The following ASH1L variants were observed in gnomAD, a reference collection of about 807,000 sequenced individuals.
ASH1L encodes the protein histone-lysine N-methyltransferase ASH1L.
ASH1L carries 23 observed loss-of-function variants against 269.0 expected under a neutral mutation model. The observed-to-expected ratio is 0.09, with a 90% CI of 0.06 to 0.12. The LOEUF is 0.12. Among genes scored for constraint, ASH1L ranks in the 10% least tolerant of loss-of-function variants. The pLI is 1.00. For missense variants in ASH1L, 2,912 were observed against 3,567.8 expected, an observed-to-expected ratio of 0.82 and a Z score of 4.68; for synonymous variants, 1,187 against 1,253.5, an observed-to-expected ratio of 0.95 and a Z score of 1.12.
intron 12 of ASH1L, among the ~76,000 whole-genome samples, chr1:155,367,914 A>AT (rs1490651528): frequency 2.0e-5 from 3 of 151,998 alleles, no homozygotes; most frequent in Non-Finnish European, 2.9e-5. Context: ...ACTGGCCTAT[A>AT]TTTTTTCCTG....
chr1:155,505,365 T>C (rs1667743118), intron 2 of ASH1L, among the ~76,000 whole-genome samples: 1 of 152,206 alleles, frequency 6.6e-6, no homozygotes, highest in African/African-American at 2.4e-5. Flanking sequence ...GATTCACATA[T>C]ACACTCCGTA....
At chr1:155,462,733 G>C (rs1664397797) in intron 3 of ASH1L, among the ~76,000 whole-genome samples, 1 of 152,168 alleles carries the variant, frequency 6.6e-6, no homozygotes, top group African/African-American at 2.4e-5. Context: ...TTTCATTCAG[G>C]AAGGTTCTCA....
chr1:155,483,538 C>T (rs943357213), intron 2 of ASH1L, among the ~76,000 whole-genome samples: 6 of 151,886 alleles, frequency 4.0e-5, no homozygotes, highest in Non-Finnish European at 8.8e-5. Context: ...AATTCAAGCA[C>T]GTATGAAAAT....
intron 5 of ASH1L, among the ~76,000 whole-genome samples, chr1:155,437,173 C>T (rs1662169668): frequency 6.6e-6 from 1 of 152,072 alleles, no homozygotes; most frequent in Non-Finnish European, 1.5e-5. Flanking sequence ...AAATGCAATC[C>T]ACAGAATAGG....
chr1:155,551,456 C>T (rs1237225827), intron 1 of ASH1L, among the ~76,000 whole-genome samples: 6 of 148,560 alleles, frequency 4.0e-5, no homozygotes, highest in Admixed American at 2.7e-4. Flanking sequence ...GTCAGGAGAT[C>T]GAGACCATCC....
At chr1:155,345,948 C>T (rs1653267646) in intron 21 of ASH1L, 1 of 343,120 alleles carries the variant, frequency 2.9e-6, no homozygotes, top group Non-Finnish European at 5.6e-6. Flanking sequence ...TCTCTTGCCT[C>T]AGCCACCCAA....
chr1:155,542,920 C>T (rs555203530), intron 1 of ASH1L, among the ~76,000 whole-genome samples: 21 of 151,866 alleles, frequency 1.4e-4, no homozygotes, highest in Non-Finnish European at 2.8e-4. Context: ...ATCCACCTGC[C>T]TAGGCCTCCC....
In ASH1L at chr1:155,521,580, A is replaced by G; in HGVS notation, c.-61T>C. The G allele has an allele frequency of 1.4e-6, 2 of 1,478,998 alleles. No individual in the cohort carries two copies. Among genetic ancestry groups the G allele is most frequent in the African/African-American group, 1.4e-5 (1 of 70,942 alleles). 91.6% of individuals were successfully genotyped at this position (1,478,998 alleles called of 1,614,324 possible). On this transcript the variant is annotated 5_prime_UTR_variant, in exon 2 of 28. Transcript: ENST00000392403. ...AATTTTACAGAACTGTGTTCCATAA[A>G]AAACAAGGATCTCCAAAACTCGAAA...
intron 5 of ASH1L, among the ~76,000 whole-genome samples, chr1:155,423,421 T>C (rs1660877545): frequency 6.6e-6 from 1 of 151,632 alleles, no homozygotes. Context: ...TCTACTAAAA[T>C]GCAAAAAATT....
At position 155,370,890 on chromosome 1, in the gene ASH1L, T is replaced by C. The variant is rs565032885; in HGVS notation, c.6426A>G (p.Leu2142=). ...RIQRHEWVQC[L]ERFRAEEKGW... is the part of the protein sequence containing the mutation. ...CTTTTTCCTCAGCTCGAAATCGTTCTAGACATTGCACCCATTCATGCCTCT... is the reference window on the plus strand; with the variant it reads ...CTTTTTCCTCAGCTCGAAATCGTTCCAGACATTGCACCCATTCATGCCTCT... Residue 2142 remains leucine, a synonymous_variant, in exon 11 of 28, where the codon CTA becomes CTG. Coordinates refer to ENST00000392403, the MANE Select transcript of ASH1L (RefSeq NM_018489.3). The C allele has an allele frequency of 1.1e-5, 17 of 1,614,188 alleles. No homozygotes were observed. The highest frequency in any genetic ancestry group is 1.6e-4 in the Middle Eastern group (1 of 6,062).
intron 2 of ASH1L, among the ~76,000 whole-genome samples, chr1:155,490,826 A>C (rs555924552): frequency 6.6e-6 from 1 of 151,986 alleles, no homozygotes; most frequent in East Asian, 1.9e-4. Context: ...AGCTGGGCAC[A>C]GTGGTGCATG....
intron 6 of ASH1L, among the ~76,000 whole-genome samples, chr1:155,411,586 A>AATAAATACATATAT (rs1297131961): frequency 1.8e-5 from 1 of 55,192 alleles, no homozygotes; most frequent in African/African-American, 7.9e-5. Context: ...TAAATAAATA[A>AATAAATACATATAT]ATATATATAT....
intron 2 of ASH1L, among the ~76,000 whole-genome samples, chr1:155,487,888 C>T (rs968642338): frequency 6.0e-5 from 9 of 150,180 alleles, no homozygotes; most frequent in African/African-American, 2.2e-4. Context: ...CCTGGTTTTT[C>T]ACTTTTTTTT....
At chr1:155,541,276 TAA>T (rs960813368) in intron 1 of ASH1L, among the ~76,000 whole-genome samples, 2 of 152,092 alleles carry the variant, frequency 1.3e-5, no homozygotes, top group African/African-American at 4.8e-5. Context: ...TGTATATAGA[TAA>T]AAGAGAATAG....
At chr1:155,340,109 C>A (rs1049387110) in intron 25 of ASH1L, among the ~76,000 whole-genome samples, 4 of 150,984 alleles carry the variant, frequency 2.6e-5, no homozygotes, top group Non-Finnish European at 4.4e-5. Context: ...GCAGAGAATA[C>A]AAAAGACGGT....
intron 2 of ASH1L, among the ~76,000 whole-genome samples, chr1:155,488,637 C>G (rs373439317): frequency 1.5e-5 from 2 of 134,184 alleles, no homozygotes; most frequent in East Asian, 4.4e-4. Context: ...CCACTGTACT[C>G]CAGCCTGGGC....
intron 1 of ASH1L, among the ~76,000 whole-genome samples, chr1:155,546,451 G>A (rs1670832937): frequency 6.6e-6 from 1 of 152,066 alleles, no homozygotes; most frequent in Non-Finnish European, 1.5e-5. Flanking sequence ...CCTTACATGA[G>A]TTTATTTCCA....
chr1:155,422,806 C>T (rs536055268), intron 5 of ASH1L, among the ~76,000 whole-genome samples: 8 of 151,828 alleles, frequency 5.3e-5, no homozygotes, highest in Middle Eastern at 6.8e-3. Flanking sequence ...CCCGCTACCA[C>T]GCCTGGCTAT....
At position 155,562,142 on chromosome 1, in the gene ASH1L, G is replaced by A. The variant is rs891470585; in HGVS notation, c.-100+11C>T. ...TTAGGCCCGAATGCCGGCCCAAATC[G>A]TTCTACTCACCGTGTCGGAGGCCGA... On this transcript the variant is annotated intron_variant, in intron 1 of 27. Coordinates refer to ENST00000392403, the MANE Select transcript of ASH1L (RefSeq NM_018489.3). 1 of 1,528,556 alleles carries A rather than the reference G, an allele frequency of 6.5e-7. No individual in the cohort carries two copies. Among genetic ancestry groups the A allele is most frequent in the African/African-American group, 1.4e-5 (1 of 73,232 alleles). The allele number at this position is 1,528,556 out of a possible 1,614,324, so 94.7% of individuals were successfully genotyped here. A position where few individuals can be genotyped will look rare whatever the true frequency, so the allele number is the denominator to read the frequency against.
Sources: gnomAD v4.1 joint callset for allele counts (sites outside exome capture counted in the v4.1 genomes callset) on GRCh38, gnomAD v4.1.1 for gene constraint, MANE v1.5 for transcripts, NCBI Gene and HGNC (gene_info 2026-07-23, HGNC 2026-07-21) for gene names.